The following RPH3AL variants were observed in gnomAD, a reference collection of about 807,000 sequenced individuals.
RPH3AL encodes the protein rab effector Noc2.
Under a neutral mutation model 43.1 loss-of-function variants are expected in RPH3AL, and 38 were observed. That is an observed-to-expected ratio of 0.88 (90% CI 0.68 to 1.15). The LOEUF is 1.15. RPH3AL is among the 50% of genes most tolerant of loss of function. The pLI, the probability that RPH3AL is intolerant of heterozygous loss-of-function variation, is 0.00. For synonymous variants in RPH3AL, 189 were observed against 176.3 expected (o/e 1.07, Z -0.57); for missense variants, 462 against 423.2 (o/e 1.09, Z -0.81).
chr17:318,617 A>T (rs952448979), intron 5 of RPH3AL, among the ~76,000 whole-genome samples: 1 of 152,178 alleles, frequency 6.6e-6, no homozygotes, highest in African/African-American at 2.4e-5. Flanking sequence ...CCTCCATATG[A>T]TAGTATAATT....
At chr17:297,481 A>T (rs373671649) in intron 5 of RPH3AL, among the ~76,000 whole-genome samples, 1 of 152,098 alleles carries the variant, frequency 6.6e-6, no homozygotes, top group Non-Finnish European at 1.5e-5. Context: ...GTCCTGTGGG[A>T]TCTGATGCTA....
Position 274,301 on chromosome 17 carries a change from G to A in RPH3AL, c.438+7467C>T, listed in dbSNP as rs2042603312. ...GAGGGGATGAGGCGGGAGACGGGAG[G>A]CGTGCCATGGACCACCTGGGCCTCG... On this transcript the variant is annotated intron_variant, in intron 6 of 9. Transcript: ENST00000331302. This position sits in a 1 kb window ranked among gnomAD's most constrained non-coding sequence, Gnocchi z 4.7. 6.6e-6 allele frequency among the ~76,000 whole-genome samples: 1 copy of A among 152,232 alleles called. No individual in the cohort carries two copies. The highest frequency in any genetic ancestry group is 1.5e-5 in the Non-Finnish European group (1 of 68,026).
At chr17:252,869 T>G (rs1555543095) in intron 6 of RPH3AL, among the ~76,000 whole-genome samples, 1 of 152,112 alleles carries the variant, frequency 6.6e-6, no homozygotes, top group Non-Finnish European at 1.5e-5. Flanking sequence ...GAGTTTTGGA[T>G]TTTGGAGCAT....
intron 7 of RPH3AL, among the ~76,000 whole-genome samples, chr17:238,199 G>A (rs1156311663): frequency 6.7e-6 from 1 of 149,366 alleles, no homozygotes; most frequent in Non-Finnish European, 1.5e-5. Flanking sequence ...AAGGAAGGAA[G>A]AGAAAGGAAG....
intron 5 of RPH3AL, among the ~76,000 whole-genome samples, chr17:309,838 C>T (rs1310313870): frequency 6.6e-6 from 1 of 152,136 alleles, no homozygotes; most frequent in Non-Finnish European, 1.5e-5. Context: ...TGGGCTCAAG[C>T]CAGGTTAGGG....
At chr17:286,443 G>T (rs1387378381) in intron 5 of RPH3AL, among the ~76,000 whole-genome samples, 1 of 152,134 alleles carries the variant, frequency 6.6e-6, no homozygotes, top group Non-Finnish European at 1.5e-5. Context: ...CTGGCAGGGG[G>T]CAGGGGGCGT....
chr17:335,974 A>G (rs1598158186), intron 1 of RPH3AL: 1 of 132,656 alleles, frequency 7.5e-6, no homozygotes, highest in African/African-American at 2.7e-5. Flanking sequence ...ACGGCTGCAC[A>G]TTTGCTGCTG....
In RPH3AL at chr17:319,482, G is replaced by A. The variant is rs2044398307; in HGVS notation, c.289C>T (p.Leu97Phe). Residue 97 changes from leucine to phenylalanine, a missense_variant, in exon 5 of 10, where the codon CTC becomes TTC. Coordinates refer to ENST00000331302, the MANE Select transcript of RPH3AL (RefSeq NM_006987.4). ...VMGNGLSQCLLCGEVLGFLGS... is the reference protein window; with the variant it reads ...VMGNGLSQCLFCGEVLGFLGS... Reference sequence around the variant, plus strand: ...AGGAAGCCCAGCACCTCCCCGCAGAGCAGACACTGGGACAGGCCGTTCCCC... The same window carrying A: ...AGGAAGCCCAGCACCTCCCCGCAGAACAGACACTGGGACAGGCCGTTCCCC... The A allele has an allele frequency of 5.0e-6, 8 of 1,612,542 alleles. No homozygotes were observed. The highest frequency in any genetic ancestry group is 2.7e-5 in the African/African-American group (2 of 74,932).
Position 245,198 on chromosome 17 carries a change from G to T in RPH3AL, c.613+1913C>A, listed in dbSNP as rs1555539332. On this transcript the variant is annotated intron_variant, in intron 7 of 9. Coordinates refer to ENST00000331302, the MANE Select transcript of RPH3AL (RefSeq NM_006987.4). This position sits in a 1 kb window ranked among gnomAD's most constrained non-coding sequence, Gnocchi z 5.9. ...GTGTACGTGGATGTCTGTGTGTGTGGATGTGAGCGTGTGTGTCCATGTGGA... is the reference window on the plus strand; with the variant it reads ...GTGTACGTGGATGTCTGTGTGTGTGTATGTGAGCGTGTGTGTCCATGTGGA... Among the ~76,000 whole-genome samples the T allele has an allele frequency of 6.8e-6, 1 of 146,878 alleles. No homozygotes were observed. Among genetic ancestry groups the T allele is most frequent in the Non-Finnish European group, 1.5e-5 (1 of 66,610 alleles).
Position 345,945 on chromosome 17 carries a change from G to A in RPH3AL, c.-213+6767C>T, listed in dbSNP as rs1262259716. 5.2e-5 allele frequency among the ~76,000 whole-genome samples: 7 copies of A among 135,468 alleles called. 1 individual carries two copies. Among genetic ancestry groups the A allele is most frequent in the African/African-American group, 1.8e-4 (7 of 39,508 alleles). 88.9% of individuals were successfully genotyped at this position (135,468 alleles called of 152,430 possible). A position where few individuals can be genotyped will look rare whatever the true frequency, so the allele number is the denominator to read the frequency against. ...GTGGGCTCTGAGTCTCGAAGACCAG[G>A]ACATAAGGGAAACACAAAATGTCAC... On this transcript the variant is annotated intron_variant, in intron 1 of 9. Coordinates refer to ENST00000331302, the MANE Select transcript of RPH3AL (RefSeq NM_006987.4).
Position 213,878 on chromosome 17 carries a change from C to G in RPH3AL, c.922G>C (p.Ala308Pro). Residue 308 changes from alanine (A) to proline (P), a missense_variant, in exon 10 of 10, where the codon GCA (alanine) becomes CCA (proline). Transcript: ENST00000331302. ...CAGCCCAGGCAGCTGGAGGGGCCTG[C>G]TGGAGCTGCGTCAGCAGCGGGGGCT... ...GRAPAADAAPAGPSSCLG is the reference protein window; with the variant it reads ...GRAPAADAAPPGPSSCLG 1 of 1,613,772 alleles carries G rather than the reference C, an allele frequency of 6.2e-7. No homozygotes were observed. The highest frequency in any genetic ancestry group is 8.5e-7 in the Non-Finnish European group (1 of 1,179,970).
intron 5 of RPH3AL, among the ~76,000 whole-genome samples, chr17:318,290 G>A (rs2044356993): frequency 6.6e-6 from 1 of 152,160 alleles, no homozygotes; most frequent in African/African-American, 2.4e-5. Context: ...GCTGAGGCAG[G>A]AGAATCACTT....
At chr17:253,842 CCGCACGGCG>C in intron 6 of RPH3AL, among the ~76,000 whole-genome samples, 2 of 67,896 alleles carry the variant, frequency 2.9e-5, no homozygotes, top group African/African-American at 5.6e-5. Flanking sequence ...ATGAGGGGAG[CCGCACGGCG>C]TCTGTCCTGT....
rs1054266909 is a variant in RPH3AL at position 213,606 on chromosome 17, G to T, written c.*246C>A. 2 of 579,220 alleles carry T rather than the reference G, an allele frequency of 3.5e-6. No homozygotes were observed. The highest frequency in any genetic ancestry group is 6.2e-6 in the Non-Finnish European group (2 of 323,916). 35.9% of individuals were successfully genotyped at this position (579,220 alleles called of 1,614,324 possible). A position where few individuals can be genotyped will look rare whatever the true frequency, so the allele number is the denominator to read the frequency against. On this transcript the variant is annotated 3_prime_UTR_variant, in exon 10 of 10. Transcript: ENST00000331302. ...CAGGTAGATTGGGGGTGTGGGAGGGGAGGGTAATAAATAAGGTCGGGGGCT... is the reference window on the plus strand; with the variant it reads ...CAGGTAGATTGGGGGTGTGGGAGGGTAGGGTAATAAATAAGGTCGGGGGCT...
intron 5 of RPH3AL, among the ~76,000 whole-genome samples, chr17:302,996 C>T (rs1341175351): frequency 6.6e-6 from 1 of 152,206 alleles, no homozygotes; most frequent in Non-Finnish European, 1.5e-5. Flanking sequence ...TTGGAATATC[C>T]TTGATATGTC....
chr17:267,755 T>C (rs2042357485), intron 6 of RPH3AL, among the ~76,000 whole-genome samples: 2 of 152,224 alleles, frequency 1.3e-5, no homozygotes, highest in Admixed American at 1.3e-4. Flanking sequence ...CTGACCACGT[T>C]TAGCTCTTTG....
In RPH3AL at chr17:321,423, G is replaced by A. The variant is rs536232269; in HGVS notation, c.78-8C>T. 317 of 1,602,412 alleles carry A rather than the reference G, an allele frequency of 2.0e-4. No individual in the cohort carries two copies. In the South Asian group the frequency reaches 3.3e-3, roughly 17 times the overall value. Reference sequence around the variant, plus strand: ...GACCAGCCCGTCTGCAGCCTCGAGAGGGAACAGCACAGACGGCGTGGAGGC... The same window carrying A: ...GACCAGCCCGTCTGCAGCCTCGAGAAGGAACAGCACAGACGGCGTGGAGGC... On this transcript the variant is annotated splice_polypyrimidine_tract_variant and splice_region_variant and intron_variant, in intron 3 of 9. Transcript: ENST00000331302.
At chr17:303,111 A>C (rs767379171) in intron 5 of RPH3AL, among the ~76,000 whole-genome samples, 2 of 152,230 alleles carry the variant, frequency 1.3e-5, no homozygotes, top group Non-Finnish European at 2.9e-5. Flanking sequence ...TAACAACGTA[A>C]CTGTATCGTT....
chr17:301,447 G>T (rs935687080), intron 5 of RPH3AL, among the ~76,000 whole-genome samples: 5 of 152,070 alleles, frequency 3.3e-5, no homozygotes, highest in Non-Finnish European at 7.4e-5. Context: ...GAGATTATGG[G>T]TGCGCACCAC....
Sources: allele counts gnomAD v4.1 joint callset (sites outside exome capture counted in the v4.1 genomes callset), GRCh38; gene constraint gnomAD v4.1.1; non-coding constraint Gnocchi (gnomAD v3.1); transcripts MANE v1.5; gene names NCBI Gene and HGNC (gene_info 2026-07-23, HGNC 2026-07-21).